KLHL6: variants seen among roughly 807,000 people sequenced by gnomAD.
KLHL6 encodes the protein kelch like family member 6, also known as kelch-like protein 6.
A neutral mutation model predicts 58.6 loss-of-function variants in KLHL6; 41 were observed. That is an observed-to-expected ratio of 0.70 (90% CI 0.55 to 0.91). KLHL6 has a LOEUF of 0.91. Among genes scored for constraint, KLHL6 ranks in the 40% least tolerant of loss-of-function variants. KLHL6 has a pLI of 0.00. For synonymous variants in KLHL6, 338 were observed against 322.7 expected, an observed-to-expected ratio of 1.05 and a Z score of -0.51; for missense variants, 714 against 805.6, an observed-to-expected ratio of 0.89 and a Z score of 1.38.
Position 183,499,904 on chromosome 3 carries a change from C to T in KLHL6, c.910-77G>A, listed in dbSNP as rs1219628799. The T allele has an allele frequency of 4.5e-6, 5 of 1,104,146 alleles. No individual in the cohort carries two copies. Among genetic ancestry groups the T allele is most frequent in the Non-Finnish European group, 3.8e-6 (3 of 787,874 alleles). The allele number at this position is 1,104,146 out of a possible 1,614,324, so 68.4% of individuals were successfully genotyped here. A position where few individuals can be genotyped will look rare whatever the true frequency, so the allele number is the denominator to read the frequency against. On this transcript the variant is annotated intron_variant, in intron 3 of 6. Transcript: ENST00000341319. This position sits in a 1 kb window ranked among gnomAD's most constrained non-coding sequence, Gnocchi z 4.6. ...CTCGGGCTATGGAGCCATTAGGAGT[C>T]GGGTCCAATTCCCATATCTGCCACG...
In KLHL6 at chr3:183,542,757, T is replaced by C. The variant is rs74757001; in HGVS notation, c.293+12604A>G. Among the ~76,000 whole-genome samples, 642 of 152,262 alleles carry C rather than the reference T, an allele frequency of 4.2e-3. 5 individuals are homozygous for C. Among genetic ancestry groups the C allele is most frequent in the African/African-American group, 0.015 (611 of 41,540 alleles). ...TCTCTCTGTCCTAACTAGATGATGA[T>C]TTCCAGGTCAAGCAGGAACCATAAT... On this transcript the variant is annotated intron_variant, in intron 1 of 6. Coordinates refer to ENST00000341319, the MANE Select transcript of KLHL6 (RefSeq NM_130446.4).
rs114285068 is a variant in KLHL6 at position 183,537,148 on chromosome 3, C to T, written c.294-9138G>A. On this transcript the variant is annotated intron_variant, in intron 1 of 6. Transcript: ENST00000341319. ...ATTCCTCATAGACTATACTCCCAGG[C>T]CTCCTGCTGCTCCTCTGGGAGATCC... Among the ~76,000 whole-genome samples the T allele has an allele frequency of 7.6e-3, 1,153 of 152,288 alleles. 9 individuals carry two copies. Among genetic ancestry groups the T allele is most frequent in the African/African-American group, 0.027 (1,109 of 41,546 alleles).
chr3:183,551,306 G>A (rs76030487), intron 1 of KLHL6, among the ~76,000 whole-genome samples: 5 of 152,066 alleles, frequency 3.3e-5, no homozygotes, highest in African/African-American at 9.7e-5. Flanking sequence ...CCCAGCCAGC[G>A]TGCAAATCCA....
chr3:183,552,044 A>T (rs1022883783), intron 1 of KLHL6: 44 of 152,200 alleles, frequency 2.9e-4, no homozygotes, highest in African/African-American at 8.9e-4. Context: ...ATTCTTTCTC[A>T]TTTATCAGAT....
intron 1 of KLHL6, among the ~76,000 whole-genome samples, chr3:183,552,717 CAAAAAAAAAAAAAA>C (rs1169148282): frequency 2.1e-5 from 1 of 47,608 alleles, no homozygotes; most frequent in African/African-American, 6.6e-5. Flanking sequence ...GACTCCGTCT[CAAAAAAAAAAAAAA>C]AAAAAAAAAA....
chr3:183,505,416 A>C (rs1717974796), intron 3 of KLHL6, among the ~76,000 whole-genome samples: 1 of 152,228 alleles, frequency 6.6e-6, no homozygotes, highest in Non-Finnish European at 1.5e-5. Context: ...AATTTATAGC[A>C]TGAAAGCCAA....
intron 1 of KLHL6, chr3:183,548,778 T>G (rs879602855): frequency 6.6e-6 from 1 of 151,958 alleles, no homozygotes; most frequent in Non-Finnish European, 1.5e-5. Context: ...ATAGAATAAG[T>G]GCCAAGAACA....
chr3:183,544,625 C>T (rs577305334), intron 1 of KLHL6: 1 of 152,268 alleles, frequency 6.6e-6, no homozygotes, highest in East Asian at 1.9e-4. Flanking sequence ...CAGCATCTCT[C>T]CATATCGGGA....
At position 183,527,992 on chromosome 3, in the gene KLHL6, A is replaced by G; in HGVS notation, c.312T>C (p.Asp104=). The part of the protein sequence containing the change: ...SNYFRAMFCN[D]LKEKYEKRII... ...TCCTTTTCTCATACTTTTCCTTTAA[A>G]TCGTTGCAGAACATGGCCCTGGAAG... The change falls in exon 2 of 7, where the codon GAT becomes GAC. Residue 104 remains aspartate (D), a synonymous_variant. Transcript: ENST00000341319. 1 of 1,613,926 alleles carries G rather than the reference A, an allele frequency of 6.2e-7. No individual in the cohort carries two copies. Among genetic ancestry groups the G allele is most frequent in the Non-Finnish European group, 8.5e-7 (1 of 1,179,984 alleles).
chr3:183,539,981 G>A (rs1712499275), intron 1 of KLHL6, among the ~76,000 whole-genome samples: 1 of 152,188 alleles, frequency 6.6e-6, no homozygotes, highest in Non-Finnish European at 1.5e-5. Context: ...TTGTGGTCAG[G>A]CTTTAGTGAC....
intron 1 of KLHL6, among the ~76,000 whole-genome samples, chr3:183,546,736 A>C (rs749798880): frequency 2.6e-5 from 4 of 152,180 alleles, no homozygotes; most frequent in Non-Finnish European, 5.9e-5. Flanking sequence ...TAAATTAATA[A>C]ATGAATCCAT....
Position 183,499,905 on chromosome 3 carries a change from G to T in KLHL6, c.910-78C>A. 2 of 1,100,700 alleles carry T rather than the reference G, an allele frequency of 1.8e-6. No homozygotes were observed. The highest frequency in any genetic ancestry group is 2.5e-6 in the Non-Finnish European group (2 of 785,054). 68.2% of individuals were successfully genotyped at this position (1,100,700 alleles called of 1,614,324 possible). On this transcript the variant is annotated intron_variant, in intron 3 of 6. Coordinates refer to ENST00000341319, the MANE Select transcript of KLHL6 (RefSeq NM_130446.4). This position sits in a 1 kb window ranked among gnomAD's most constrained non-coding sequence, Gnocchi z 4.6. ...TCGGGCTATGGAGCCATTAGGAGTC[G>T]GGTCCAATTCCCATATCTGCCACGG...
At chr3:183,528,146 G>A (rs1712039887) in intron 1 of KLHL6, 136 bp from the exon 2 acceptor site, 1 of 874,518 alleles carries the variant, frequency 1.1e-6, no homozygotes, top group East Asian at 2.5e-5. Context: ...GTGGCTCTCT[G>A]TTCTCCAGCA....
chr3:183,507,881 C>T (rs982336623), intron 3 of KLHL6, among the ~76,000 whole-genome samples, 178 bp downstream of exon 3: 4 of 152,162 alleles, frequency 2.6e-5, no homozygotes, highest in Admixed American at 6.5e-5. Context: ...CACGTGGGAT[C>T]GGCCTCATAG....
intron 1 of KLHL6, among the ~76,000 whole-genome samples, chr3:183,533,778 C>T (rs988778221): frequency 6.6e-6 from 1 of 151,990 alleles, no homozygotes; most frequent in African/African-American, 2.4e-5. Context: ...CCTTCCGCCT[C>T]CGTCCTTCCC....
intron 2 of KLHL6, among the ~76,000 whole-genome samples, chr3:183,509,893 G>A (rs1186033039): frequency 6.6e-6 from 1 of 152,074 alleles, no homozygotes; most frequent in African/African-American, 2.4e-5. Flanking sequence ...GAATTTTTCT[G>A]TTTTTGTTTA....
chr3:183,523,910 C>T (rs1056206889), intron 2 of KLHL6, among the ~76,000 whole-genome samples: 1 of 152,002 alleles, frequency 6.6e-6, no homozygotes, highest in Non-Finnish European at 1.5e-5. Flanking sequence ...CAGGCGCCCA[C>T]CACCACACCT....
chr3:183,508,456 G>A lies in KLHL6; in HGVS notation c.512C>T (p.Pro171Leu). The A allele has an allele frequency of 1.9e-6, 3 of 1,614,164 alleles. No individual in the cohort carries two copies. Among genetic ancestry groups the A allele is most frequent in the East Asian group, 2.2e-5 (1 of 44,880 alleles). Reference sequence around the variant, plus strand: ...CCTCAGTATTCCAACGCAGTTTTCTGGGTTCAAGGCTTCAGTGAGGAAGCT... The same window carrying A: ...CCTCAGTATTCCAACGCAGTTTTCTAGGTTCAAGGCTTCAGTGAGGAAGCT... ...CASFLTEALN[P>L]ENCVGILRLA... The change falls in exon 3 of 7, where the codon CCA becomes CTA. Residue 171 changes from proline (P) to leucine (L), a missense_variant. By Grantham distance (98) the Pro-to-Leu change is moderately conservative. This residue lies in a region of KLHL6 where 510 missense variants were observed against 629.7 expected (regional missense o/e 0.81). Coordinates refer to ENST00000341319, the MANE Select transcript of KLHL6 (RefSeq NM_130446.4).
Position 183,494,226 on chromosome 3 carries a change from C to T in KLHL6, c.1203G>A (p.Trp401Ter). The T allele has an allele frequency of 6.2e-7, 1 of 1,614,040 alleles. No individual in the cohort carries two copies. The highest frequency in any genetic ancestry group is 8.5e-7 in the Non-Finnish European group (1 of 1,179,912). The change falls in exon 5 of 7, where the codon TGG (tryptophan) becomes TGA (stop). Residue 401 changes from tryptophan (W) to a stop codon, truncating the protein, a stop_gained. Transcript: ENST00000341319. LOFTEE classifies it high-confidence loss of function. ...VWKYNSSINK[W>*]IQIEYLNIGR... Reference sequence around the variant, plus strand: ...CTATGTTTAAATACTCAATCTGAATCCACTTGTTGATCGAAGAATTATATT... The same window carrying T: ...CTATGTTTAAATACTCAATCTGAATTCACTTGTTGATCGAAGAATTATATT...
Sources: gnomAD v4.1 joint callset for allele counts (sites outside exome capture counted in the v4.1 genomes callset) on GRCh38, gnomAD v4.1.1 for gene constraint, gnomAD v4.1.1 regional missense constraint, Gnocchi (gnomAD v3.1) non-coding constraint, MANE v1.5 for transcripts, NCBI Gene and HGNC (gene_info 2026-07-23, HGNC 2026-07-21) for gene names.